Variants in ERGIC2 observed in about 807,000 individuals in gnomAD.
ERGIC2 encodes ERGIC and golgi 2, also known as endoplasmic reticulum-Golgi intermediate compartment protein 2.
Under a neutral mutation model 52.5 loss-of-function variants are expected in ERGIC2, and 31 were observed. That is an observed-to-expected ratio of 0.59 (90% CI 0.44 to 0.80). ERGIC2 has a LOEUF of 0.80. Ranked by LOEUF, ERGIC2 falls within the 30% of genes least tolerant of loss-of-function variation. ERGIC2 has a pLI of 0.00. For missense variants in ERGIC2, 395 were observed against 455.2 expected (o/e 0.87, Z 1.20); for synonymous variants, 129 against 140.6 (o/e 0.92, Z 0.58).
chr12:29,362,717 C>G (rs958438464), intron 5 of ERGIC2, among the ~76,000 whole-genome samples: 2 of 152,156 alleles, frequency 1.3e-5, no homozygotes, highest in Non-Finnish European at 2.9e-5. Flanking sequence ...AGCCTCATGT[C>G]TAAGTTTTAT....
In ERGIC2 at chr12:29,339,152, A is replaced by G. The variant is rs1256697919; in HGVS notation, c.*2004T>C. 3 of 152,220 alleles carry G rather than the reference A, an allele frequency of 2.0e-5. No homozygotes were observed. Among genetic ancestry groups the G allele is most frequent in the Non-Finnish European group, 4.4e-5 (3 of 68,024 alleles). The allele number at this position is 152,220 out of a possible 1,614,324, so 9.4% of individuals were successfully genotyped here. A position where few individuals can be genotyped will look rare whatever the true frequency, so the allele number is the denominator to read the frequency against. ...CTTTAACTTTTAAAATGGAAATCAA[A>G]GGCAAAGCAGAATTTTGCTTTAAAG... On this transcript the variant is annotated 3_prime_UTR_variant, in exon 14 of 14. Transcript: ENST00000360150.
At chr12:29,343,347 G>T in intron 11 of ERGIC2, 65 bp from the exon 12 acceptor site, 1 of 1,329,372 alleles carries the variant, frequency 7.5e-7, no homozygotes, top group Non-Finnish European at 1.0e-6. Flanking sequence ...CATGTCATCT[G>T]GTTACTTACA....
chr12:29,348,076 A>G (rs1424138543), intron 10 of ERGIC2, among the ~76,000 whole-genome samples: 1 of 152,190 alleles, frequency 6.6e-6, no homozygotes, highest in Non-Finnish European at 1.5e-5. Context: ...ATTACAGATT[A>G]GATTATACTG....
intron 1 of ERGIC2, chr12:29,380,729 C>T (rs938622607): frequency 2.0e-5 from 3 of 152,336 alleles, no homozygotes; most frequent in Non-Finnish European, 4.4e-5. Context: ...GGGAGTCTGA[C>T]ATCCGGGAGG....
At chr12:29,367,682 A>T (rs1391143489) in intron 4 of ERGIC2, among the ~76,000 whole-genome samples, 3 of 151,830 alleles carry the variant, frequency 2.0e-5, no homozygotes, top group Admixed American at 6.6e-5. Context: ...GTAACTCATA[A>T]AATATTTTTC....
intron 11 of ERGIC2, 134 bp from the exon 12 acceptor site, chr12:29,343,416 A>G: frequency 3.6e-6 from 2 of 557,160 alleles, no homozygotes; most frequent in Admixed American, 7.2e-5. Context: ...ACATTTCCTT[A>G]TGAACTGTCC....
rs555081858 is a variant in ERGIC2 at position 29,381,154 on chromosome 12, A to C, written c.-77T>G. The stretch of plus-strand genomic sequence containing the variant: ...CCAGCCTACCGCCATGTTTCACAGA[A>C]GCCCGGGTCGCCGGGGCTCCCGCGT... On this transcript the variant is annotated 5_prime_UTR_variant, in exon 1 of 14. Coordinates refer to ENST00000360150, the MANE Select transcript of ERGIC2 (RefSeq NM_016570.3). 4 of 152,390 alleles carry C rather than the reference A, an allele frequency of 2.6e-5. No individual in the cohort carries two copies. The East Asian group carries it at 5.8e-4, about 22-fold the overall frequency. 9.4% of individuals were successfully genotyped at this position (152,390 alleles called of 1,614,324 possible).
At chr12:29,369,628 C>G (rs1032173154) in intron 3 of ERGIC2, among the ~76,000 whole-genome samples, 2 of 151,740 alleles carry the variant, frequency 1.3e-5, no homozygotes, top group East Asian at 3.9e-4. Context: ...TTGAAGAAAT[C>G]CAAATAATAC....
chr12:29,371,451 A>G, intron 2 of ERGIC2, 77 bp downstream of exon 2: 1 of 908,896 alleles, frequency 1.1e-6, no homozygotes, highest in Non-Finnish European at 1.7e-6. Flanking sequence ...CCTCATGGCT[A>G]CATTTCTATA....
chr12:29,346,287 C>T (rs1940050505), intron 10 of ERGIC2, among the ~76,000 whole-genome samples: 1 of 151,294 alleles, frequency 6.6e-6, no homozygotes, highest in Non-Finnish European at 1.5e-5. Flanking sequence ...TTCCTGGGCT[C>T]CAGCAATCCT....
intron 9 of ERGIC2, among the ~76,000 whole-genome samples, chr12:29,349,531 T>C (rs1055677578): frequency 3.9e-5 from 6 of 152,026 alleles, no homozygotes; most frequent in Non-Finnish European, 8.8e-5. Flanking sequence ...ATGATGGCCA[T>C]GTGGCCATAT....
chr12:29,365,944 A>G (rs1050448266), intron 5 of ERGIC2, among the ~76,000 whole-genome samples: 2 of 152,000 alleles, frequency 1.3e-5, no homozygotes. Flanking sequence ...TTTAAAATGT[A>G]TATGTCAAAA....
intron 6 of ERGIC2, among the ~76,000 whole-genome samples, chr12:29,359,181 T>C (rs1565540292): frequency 6.6e-6 from 1 of 151,778 alleles, no homozygotes; most frequent in African/African-American, 2.4e-5. Flanking sequence ...AACGTGATAA[T>C]CTAGGATGCT....
chr12:29,349,939 CACTAT>C (rs1381187935), intron 9 of ERGIC2, 69 bp downstream of exon 9: 4 of 891,324 alleles, frequency 4.5e-6, no homozygotes, highest in Non-Finnish European at 7.2e-6. Context: ...CTTTCAACTA[CACTAT>C]ATCTGCACTT....
chr12:29,368,182 T>C (rs1359055513), intron 4 of ERGIC2, 59 bp downstream of exon 4: 1 of 1,042,722 alleles, frequency 9.6e-7, no homozygotes, highest in East Asian at 2.4e-5. Context: ...TTATTTTTGC[T>C]TGGCAATTGT....
At chr12:29,359,518 A>G (rs1940254488) in intron 6 of ERGIC2, among the ~76,000 whole-genome samples, 1 of 152,126 alleles carries the variant, frequency 6.6e-6, no homozygotes, top group South Asian at 2.1e-4. Context: ...TCTTAATAGT[A>G]AAAATACAAT....
intron 5 of ERGIC2, 142 bp from the exon 6 acceptor site, chr12:29,361,827 A>G (rs1565541270): frequency 7.7e-6 from 4 of 520,974 alleles, no homozygotes; most frequent in Non-Finnish European, 1.3e-5. Context: ...TTCAACTTCT[A>G]TAAGTCAAAT....
In ERGIC2 at chr12:29,340,079, T is replaced by C. The variant is rs1565533856; in HGVS notation, c.*1077A>G. 1 of 152,168 alleles carries C rather than the reference T, an allele frequency of 6.6e-6. No individual in the cohort carries two copies. The highest frequency in any genetic ancestry group is 1.5e-5 in the Non-Finnish European group (1 of 67,986). 9.4% of individuals were successfully genotyped at this position (152,168 alleles called of 1,614,324 possible). On this transcript the variant is annotated 3_prime_UTR_variant, in exon 14 of 14. Transcript: ENST00000360150. ...ATAGTAAGAAAGTTAGAACACAATC[T>C]AATACAGAATCAATCATATTCAGGA...
intron 5 of ERGIC2, among the ~76,000 whole-genome samples, chr12:29,364,897 A>G (rs1015544540): frequency 3.3e-5 from 5 of 151,892 alleles, no homozygotes; most frequent in Admixed American, 3.3e-4. Context: ...CAAAACCACA[A>G]TGAGAGGCCA....
Sources: allele counts gnomAD v4.1 joint callset (sites outside exome capture counted in the v4.1 genomes callset), GRCh38; gene constraint gnomAD v4.1.1; transcripts MANE v1.5; gene names NCBI Gene and HGNC (gene_info 2026-07-23, HGNC 2026-07-21).